RBMS3: variants seen among roughly 807,000 people sequenced by gnomAD.
RBMS3 encodes the protein RNA-binding motif, single-stranded-interacting protein 3.
RBMS3 carries 27 observed loss-of-function variants against 66.8 expected under a neutral mutation model. That is an observed-to-expected ratio of 0.40 (90% CI 0.30 to 0.56). The LOEUF is 0.56. Among genes scored for constraint, RBMS3 ranks in the 20% least tolerant of loss-of-function variants. The probability of loss-of-function intolerance (pLI) is 0.40; values close to 1 mark genes in which losing one functional copy is unlikely to be tolerated. For missense variants in RBMS3, 513 were observed against 549.5 expected (o/e 0.93, Z 0.66); for synonymous variants, 188 against 183.0 (o/e 1.03, Z -0.22).
chr3:29,606,681 A>C lies in RBMS3; in HGVS notation c.399+19476A>C, dbSNP rs538059927. Among the ~76,000 whole-genome samples, 34 of 152,076 alleles carry C rather than the reference A, an allele frequency of 2.2e-4. No individual in the cohort carries two copies. In the East Asian group the frequency reaches 5.8e-3, roughly 26 times the overall value. ...AGACATAAGTGGACATGGGAAAAAA[A>C]ACAGCAACCAGATTAAACATTCACA... On this transcript the variant is annotated intron_variant, in intron 4 of 14. Coordinates refer to ENST00000383767, the MANE Select transcript of RBMS3 (RefSeq NM_001003793.3).
At chr3:29,915,364 A>C (rs76380420) in intron 10 of RBMS3, among the ~76,000 whole-genome samples, 5,512 of 151,890 alleles carry the variant, frequency 0.036, 115 homozygotes, top group African/African-American at 0.049. Context: ...CCAATGGCCA[A>C]CTTGAAAAAG....
At chr3:29,751,988 T>C (rs1052834882) in intron 5 of RBMS3, among the ~76,000 whole-genome samples, 1 of 152,126 alleles carries the variant, frequency 6.6e-6, no homozygotes, top group Admixed American at 6.5e-5. Flanking sequence ...CATGGATGGC[T>C]TAAGTGTTTA....
chr3:29,660,050 G>C (rs1253683018), intron 4 of RBMS3, among the ~76,000 whole-genome samples: 3 of 152,016 alleles, frequency 2.0e-5, no homozygotes, highest in African/African-American at 7.2e-5. Flanking sequence ...CACCTCCTTG[G>C]TTAAATTAAT....
intron 5 of RBMS3, among the ~76,000 whole-genome samples, chr3:29,757,012 T>C (rs1015287598): frequency 6.6e-6 from 1 of 152,120 alleles, no homozygotes; most frequent in African/African-American, 2.4e-5. Context: ...ATTAAATCAT[T>C]AGCCCTTGGT....
chr3:29,738,248 A>G (rs1227400187), intron 4 of RBMS3, among the ~76,000 whole-genome samples: 1 of 152,160 alleles, frequency 6.6e-6, no homozygotes, highest in East Asian at 1.9e-4. Flanking sequence ...TCTTTTCACA[A>G]AAGATATTTT....
chr3:29,905,397 A>G (rs556166973), intron 10 of RBMS3, among the ~76,000 whole-genome samples: 5 of 152,166 alleles, frequency 3.3e-5, no homozygotes, highest in East Asian at 1.9e-4. Flanking sequence ...AGTTTATTTT[A>G]TAGCATGAGA....
intron 8 of RBMS3, among the ~76,000 whole-genome samples, chr3:29,890,597 A>T (rs1467929016): frequency 2.0e-5 from 3 of 151,530 alleles, no homozygotes; most frequent in Admixed American, 6.6e-5. Context: ...CTTTCTATCT[A>T]TAGTACAGTC....
intron 3 of RBMS3, among the ~76,000 whole-genome samples, chr3:29,528,405 G>T (rs563769786): frequency 6.6e-6 from 1 of 152,216 alleles, no homozygotes; most frequent in African/African-American, 2.4e-5. Context: ...GAGCCACTAT[G>T]CCTGGCCCAC....
At chr3:29,766,615 A>T (rs1047606679) in intron 6 of RBMS3, 2 of 151,948 alleles carry the variant, frequency 1.3e-5, no homozygotes, top group African/African-American at 4.8e-5. Flanking sequence ...TTCATAAAAG[A>T]TCTTTTTTTA....
At chr3:29,983,238 C>G (rs894804509) in intron 12 of RBMS3, among the ~76,000 whole-genome samples, 2 of 146,844 alleles carry the variant, frequency 1.4e-5, no homozygotes. Flanking sequence ...ACCCCCGCCC[C>G]CTTTTTTTTT....
At chr3:29,658,343 C>T (rs1454252842) in intron 4 of RBMS3, among the ~76,000 whole-genome samples, 1 of 152,112 alleles carries the variant, frequency 6.6e-6, no homozygotes, top group African/African-American at 2.4e-5. Context: ...ACCTGAGTGT[C>T]ATGTTAATAT....
chr3:29,313,258 T>C (rs573990161), intron 1 of RBMS3, among the ~76,000 whole-genome samples: 2 of 151,860 alleles, frequency 1.3e-5, no homozygotes, highest in Non-Finnish European at 2.9e-5. Context: ...TCTTGTTTAA[T>C]GCACAACAAG....
intron 3 of RBMS3, among the ~76,000 whole-genome samples, chr3:29,503,537 T>C (rs2044058240): frequency 6.6e-6 from 1 of 152,052 alleles, no homozygotes; most frequent in Non-Finnish European, 1.5e-5. Context: ...GAGTGGTCTT[T>C]CTCTGGCCTG....
intron 6 of RBMS3, among the ~76,000 whole-genome samples, chr3:29,827,490 T>G (rs1018401955): frequency 1.3e-5 from 2 of 152,130 alleles, no homozygotes; most frequent in African/African-American, 4.8e-5. Context: ...CTCCAGGATT[T>G]TTTCATTTTA....
chr3:29,292,670 A>G (rs1172875574), intron 1 of RBMS3, among the ~76,000 whole-genome samples: 3 of 151,786 alleles, frequency 2.0e-5, no homozygotes, highest in East Asian at 1.9e-4. Flanking sequence ...GCAGCCTAGT[A>G]AAAAAAGAAA....
chr3:29,670,674 G>T (rs546001427), intron 4 of RBMS3, among the ~76,000 whole-genome samples: 2 of 152,192 alleles, frequency 1.3e-5, no homozygotes, highest in African/African-American at 4.8e-5. Flanking sequence ...GTCCAAGATC[G>T]AACTGCAAGG....
At chr3:29,390,667 A>G (rs966254445) in intron 1 of RBMS3, among the ~76,000 whole-genome samples, 2 of 152,224 alleles carry the variant, frequency 1.3e-5, no homozygotes, top group African/African-American at 4.8e-5. Context: ...ACACTGCAGT[A>G]AAAATATCTG....
intron 1 of RBMS3, among the ~76,000 whole-genome samples, chr3:29,401,725 A>T (rs1314731617): frequency 2.0e-5 from 3 of 152,100 alleles, no homozygotes; most frequent in African/African-American, 7.2e-5. Flanking sequence ...AATACTGCTG[A>T]TAAGTAAAAC....
chr3:29,755,343 C>A (rs753094772), intron 5 of RBMS3, among the ~76,000 whole-genome samples: 8 of 152,152 alleles, frequency 5.3e-5, no homozygotes, highest in Non-Finnish European at 1.0e-4. Flanking sequence ...CAAACTTTAT[C>A]TCTTACATGC....
Sources: allele counts gnomAD v4.1 joint callset (sites outside exome capture counted in the v4.1 genomes callset), GRCh38; gene constraint gnomAD v4.1.1; transcripts MANE v1.5; gene names NCBI Gene and HGNC (gene_info 2026-07-23, HGNC 2026-07-21).